PIK3C2G: variants seen among roughly 807,000 people sequenced by gnomAD.
PIK3C2G encodes the protein phosphatidylinositol 3-kinase C2 domain-containing subunit gamma.
In PIK3C2G, 168 loss-of-function variants were observed where a neutral mutation model predicts 181.1. The observed-to-expected ratio is 0.93, with a 90% CI of 0.82 to 1.05. The LOEUF (loss-of-function observed/expected upper bound fraction) is 1.05, where lower values mean the gene tolerates loss of function less well. PIK3C2G is among the 50% of genes least tolerant of loss of function. The pLI, the probability that PIK3C2G is intolerant of heterozygous loss-of-function variation, is 0.00. For missense variants in PIK3C2G, 1,869 were observed against 1,732.8 expected, an observed-to-expected ratio of 1.08 and a Z score of -1.40; for synonymous variants, 573 against 592.2, an observed-to-expected ratio of 0.97 and a Z score of 0.47.
At chr12:18,685,583 T>C in the PIK3C2G span, 1 of 506,110 alleles carries the variant, frequency 2.0e-6, no homozygotes, top group Non-Finnish European at 4.0e-6. Flanking sequence ...CACATAGCAA[T>C]CTAGGGTGCA....
At chr12:18,318,492 G>T (rs181460068) in intron 6 of PIK3C2G, among the ~76,000 whole-genome samples, 1 of 151,636 alleles carries the variant, frequency 6.6e-6, no homozygotes, top group Non-Finnish European at 1.5e-5. Flanking sequence ...TTTTATAATG[G>T]TGTCAAAATT....
At chr12:18,313,830 GCA>G (rs1950744063) in intron 5 of PIK3C2G, 130 bp from the exon 6 acceptor site, 1 of 493,066 alleles carries the variant, frequency 2.0e-6, no homozygotes, top group East Asian at 3.5e-5. Context: ...ACACACACAC[GCA>G]CACACACGCA....
At chr12:18,724,460 A>G in the PIK3C2G span, among the ~76,000 whole-genome samples, 1 of 152,122 alleles carries the variant, frequency 6.6e-6, no homozygotes, top group Non-Finnish European at 1.5e-5. Flanking sequence ...TTTTTTAAAA[A>G]ATGCTTTTTT....
intron 24 of PIK3C2G, 22 bp from the exon 25 acceptor site, chr12:18,538,134 T>A (rs767960006): frequency 8.8e-6 from 14 of 1,598,018 alleles, no homozygotes; most frequent in Non-Finnish European, 1.2e-5. Flanking sequence ...TTCGAATGAT[T>A]GCTACTGTTT....
chr12:18,490,844 T>C (rs1288959280), intron 19 of PIK3C2G, among the ~76,000 whole-genome samples: 2 of 152,176 alleles, frequency 1.3e-5, no homozygotes, highest in Non-Finnish European at 2.9e-5. Context: ...TTTAAAGGTG[T>C]TGTTTGTGAT....
In PIK3C2G at chr12:18,282,183, C is replaced by A. The variant is rs1478403585; in HGVS notation, c.102C>A (p.Ser34Arg). Residue 34 changes from serine to arginine, a missense_variant, in exon 2 of 33, where the codon AGC (serine) becomes AGA (arginine). Coordinates refer to ENST00000538779, the MANE Select transcript of PIK3C2G (RefSeq NM_001288772.2). ...TTGTAAATCAACCCCATTCTTCTAG[C>A]CAAGTCAGTCTGGGTTTTGATCAGA... ...FLFVNQPHSS[S>R]QVSLGFDQIV... The A allele has an allele frequency of 6.2e-7, 1 of 1,611,926 alleles. No homozygotes were observed. The highest frequency in any genetic ancestry group is 1.7e-5 in the Admixed American group (1 of 59,776).
chr12:18,303,881 T>G (rs1950313106), intron 5 of PIK3C2G, among the ~76,000 whole-genome samples: 1 of 152,118 alleles, frequency 6.6e-6, no homozygotes, highest in Non-Finnish European at 1.5e-5. Flanking sequence ...ATGAAACAAT[T>G]TTTTTATTAT....
At chr12:18,514,747 A>G (rs1942426584) in intron 24 of PIK3C2G, among the ~76,000 whole-genome samples, 1 of 151,756 alleles carries the variant, frequency 6.6e-6, no homozygotes, top group African/African-American at 2.4e-5. Context: ...TTCTCTTGCC[A>G]AATTGCTCTG....
In PIK3C2G at chr12:18,480,508, C is replaced by A. The variant is rs542644831; in HGVS notation, c.2505-7941C>A. Among the ~76,000 whole-genome samples, 43 of 152,070 alleles carry A rather than the reference C, an allele frequency of 2.8e-4. No individual in the cohort carries two copies. In the South Asian group the frequency reaches 8.1e-3, roughly 29 times the overall value. The stretch of plus-strand genomic sequence containing the variant: ...AGGAGTTTTATGTATTTACATGTAG[C>A]CTTGAGGTAGGAGGCAAGACTTAAC... On this transcript the variant is annotated intron_variant, in intron 18 of 32. Transcript: ENST00000538779.
chr12:18,654,934 A>T, the PIK3C2G span, among the ~76,000 whole-genome samples: 1 of 152,234 alleles, frequency 6.6e-6, no homozygotes, highest in Non-Finnish European at 1.5e-5. Context: ...AAAGACACTT[A>T]GTTCTGGGAA....
At chr12:18,291,472 A>G (rs914313908) in intron 4 of PIK3C2G, among the ~76,000 whole-genome samples, 1 of 152,114 alleles carries the variant, frequency 6.6e-6, no homozygotes, top group Non-Finnish European at 1.5e-5. Flanking sequence ...ACATACCTCC[A>G]TCAGAATTAG....
At chr12:18,336,497 A>G (rs1938548219) in intron 8 of PIK3C2G, among the ~76,000 whole-genome samples, 1 of 152,182 alleles carries the variant, frequency 6.6e-6, no homozygotes, top group South Asian at 2.1e-4. Flanking sequence ...TGGATAATAT[A>G]CATTGAAAAT....
chr12:18,427,189 A>G (rs1443468104), intron 18 of PIK3C2G, among the ~76,000 whole-genome samples: 1 of 151,898 alleles, frequency 6.6e-6, no homozygotes, highest in African/African-American at 2.4e-5. Context: ...ATATAAAAAT[A>G]TATAAAGTAT....
At position 18,265,664 on chromosome 12, in the gene PIK3C2G, A is replaced by G. The variant is rs551912606; in HGVS notation, c.-79+4087A>G. ...GTGTAGGTGTGTATGTTTGAGTAAT[A>G]TATTTGGTAATACTTTTAACTTTGC... is the stretch of plus-strand genomic sequence containing the variant. On this transcript the variant is annotated intron_variant, in intron 1 of 32. Coordinates refer to ENST00000538779, the MANE Select transcript of PIK3C2G (RefSeq NM_001288772.2). Among the ~76,000 whole-genome samples, 61 of 152,060 alleles carry G rather than the reference A, an allele frequency of 4.0e-4. 1 individual carries two copies. Among genetic ancestry groups the G allele is most frequent in the African/African-American group, 1.4e-3 (60 of 41,496 alleles).
chr12:18,543,977 G>T (rs1032994000), intron 25 of PIK3C2G, among the ~76,000 whole-genome samples: 3 of 151,772 alleles, frequency 2.0e-5, no homozygotes, highest in Non-Finnish European at 4.4e-5. Context: ...CACAGTAAAA[G>T]CTAGGAAGCA....
intron 18 of PIK3C2G, among the ~76,000 whole-genome samples, chr12:18,445,486 TG>T (rs1946974781): frequency 6.6e-6 from 1 of 152,036 alleles, no homozygotes; most frequent in Non-Finnish European, 1.5e-5. Flanking sequence ...AAATTGAAGA[TG>T]GAAGTTTAAT....
chr12:18,508,758 G>A (rs1285745827), intron 24 of PIK3C2G, among the ~76,000 whole-genome samples: 2 of 151,986 alleles, frequency 1.3e-5, no homozygotes, highest in African/African-American at 2.4e-5. Context: ...AGACATAAAT[G>A]AGTTTAATAA....
At chr12:18,335,440 T>C (rs1938440036) in intron 8 of PIK3C2G, among the ~76,000 whole-genome samples, 1 of 152,078 alleles carries the variant, frequency 6.6e-6, no homozygotes, top group Non-Finnish European at 1.5e-5. Context: ...TGTGTAATGT[T>C]TATATGAACA....
intron 15 of PIK3C2G, among the ~76,000 whole-genome samples, chr12:18,393,606 A>G (rs1253864988): frequency 6.6e-6 from 1 of 152,136 alleles, no homozygotes; most frequent in Non-Finnish European, 1.5e-5. Context: ...ATATAACAAT[A>G]TATGTTCTAA....
Sources: gnomAD v4.1 joint callset for allele counts (sites outside exome capture counted in the v4.1 genomes callset) on GRCh38, gnomAD v4.1.1 for gene constraint, MANE v1.5 for transcripts, NCBI Gene and HGNC (gene_info 2026-07-23, HGNC 2026-07-21) for gene names.